The following MSRA variants were observed in gnomAD, a reference collection of about 807,000 sequenced individuals.
The protein encoded by MSRA is mitochondrial peptide methionine sulfoxide reductase.
Under a neutral mutation model 31.3 loss-of-function variants are expected in MSRA, and 54 were observed. The observed-to-expected ratio is 1.73, with a 90% CI of 1.39 to 2.17. MSRA has a LOEUF of 2.17. Among genes scored for constraint, MSRA ranks in the 30% most tolerant of loss-of-function variants. The probability of loss-of-function intolerance (pLI) is 0.00; values close to 1 mark genes in which losing one functional copy is unlikely to be tolerated. For missense variants in MSRA, 507 were observed against 300.9 expected, an observed-to-expected ratio of 1.69 and a Z score of -5.07; for synonymous variants, 169 against 116.5, an observed-to-expected ratio of 1.45 and a Z score of -2.90.
chr8:10,122,213 G>A (rs1329736720), intron 1 of MSRA, among the ~76,000 whole-genome samples: 4 of 152,164 alleles, frequency 2.6e-5, no homozygotes, highest in Admixed American at 6.5e-5. Context: ...TCTAGCATGT[G>A]AAGCATCCTA....
intron 1 of MSRA, among the ~76,000 whole-genome samples, chr8:10,205,357 G>T (rs1479777115): frequency 1.3e-5 from 2 of 152,134 alleles, no homozygotes; most frequent in Non-Finnish European, 2.9e-5. Flanking sequence ...TGGCTGTGGT[G>T]GCAGATTGGA....
intron 1 of MSRA, among the ~76,000 whole-genome samples, chr8:10,093,792 T>C (rs1220456635): frequency 2.0e-5 from 3 of 152,240 alleles, no homozygotes; most frequent in Non-Finnish European, 4.4e-5. Flanking sequence ...CTTTATTTCT[T>C]GTAGAGCAGG....
chr8:10,354,508 C>G (rs566952144), intron 5 of MSRA, among the ~76,000 whole-genome samples: 1 of 152,136 alleles, frequency 6.6e-6, no homozygotes, highest in African/African-American at 2.4e-5. Flanking sequence ...AGTACCTTTG[C>G]TAATCATATT....
intron 2 of MSRA, among the ~76,000 whole-genome samples, chr8:10,241,395 A>C (rs757412521): frequency 1.3e-5 from 2 of 152,168 alleles, no homozygotes; most frequent in Non-Finnish European, 1.5e-5. Context: ...ACATGAGAGC[A>C]GTCATTGAAA....
chr8:10,311,394 T>C (rs1281762839), intron 4 of MSRA, among the ~76,000 whole-genome samples: 1 of 152,124 alleles, frequency 6.6e-6, no homozygotes, highest in African/African-American at 2.4e-5. Flanking sequence ...TTTGAGAGCC[T>C]TATTAAGGAC....
At chr8:10,392,101 C>T (rs992592096) in intron 5 of MSRA, among the ~76,000 whole-genome samples, 1 of 152,180 alleles carries the variant, frequency 6.6e-6, no homozygotes, top group African/African-American at 2.4e-5. Context: ...GTGGAAGGCT[C>T]ATCTCTGACA....
intron 3 of MSRA, among the ~76,000 whole-genome samples, chr8:10,257,891 A>C (rs1798266717): frequency 6.6e-6 from 1 of 152,214 alleles, no homozygotes; most frequent in Non-Finnish European, 1.5e-5. Flanking sequence ...CGCAGCAGAG[A>C]GGTGAACACC....
At chr8:10,099,152 A>T (rs889544153) in intron 1 of MSRA, among the ~76,000 whole-genome samples, 2 of 152,188 alleles carry the variant, frequency 1.3e-5, no homozygotes, top group Non-Finnish European at 2.9e-5. Context: ...GCCTAAGTTT[A>T]TTCCATGCAG....
chr8:10,364,915 TC>T (rs1164272894), intron 5 of MSRA, among the ~76,000 whole-genome samples: 4 of 152,146 alleles, frequency 2.6e-5, no homozygotes, highest in African/African-American at 7.2e-5. Context: ...AAAATATCAT[TC>T]ATTAATTGAT....
intron 1 of MSRA, among the ~76,000 whole-genome samples, chr8:10,103,940 C>T (rs532312708): frequency 3.5e-4 from 53 of 152,170 alleles, no homozygotes; most frequent in African/African-American, 1.1e-3. Context: ...TCTGGAATTA[C>T]AGCGTATACA....
Position 10,393,843 on chromosome 8 carries a change from T to C in MSRA, c.544-34305T>C, listed in dbSNP as rs1302479740. Among the ~76,000 whole-genome samples the C allele has an allele frequency of 2.6e-5, 4 of 152,214 alleles. No homozygotes were observed. In the East Asian group the frequency reaches 7.7e-4, roughly 29 times the overall value. ...CCCCTGTGCACCACGTGTGCACACC[T>C]ACATGGTCACTATTCAGGCTTTGTG... On this transcript the variant is annotated intron_variant, in intron 5 of 5. Coordinates refer to ENST00000317173, the MANE Select transcript of MSRA (RefSeq NM_012331.5).
chr8:10,077,479 CTTTTTTT>C (rs10714477), intron 1 of MSRA, among the ~76,000 whole-genome samples: 8 of 101,238 alleles, frequency 7.9e-5, no homozygotes, highest in African/African-American at 2.9e-4. Context: ...CTACCTTCTC[CTTTTTTT>C]TTTTTTTTTT....
intron 1 of MSRA, among the ~76,000 whole-genome samples, chr8:10,174,567 C>T (rs1190761683): frequency 3.9e-5 from 6 of 152,094 alleles, no homozygotes; most frequent in African/African-American, 7.2e-5. Flanking sequence ...TGCAGTCCTA[C>T]GTTCTTCGCA....
chr8:10,419,202 C>T (rs1466987764), intron 5 of MSRA, among the ~76,000 whole-genome samples: 1 of 152,168 alleles, frequency 6.6e-6, no homozygotes, highest in Non-Finnish European at 1.5e-5. Context: ...ATCCCTTGCA[C>T]CTCTCACGTG....
chr8:10,196,618 C>G (rs1013597120), intron 1 of MSRA, among the ~76,000 whole-genome samples: 2 of 152,096 alleles, frequency 1.3e-5, no homozygotes, highest in African/African-American at 2.4e-5. Context: ...GGTGCAATCT[C>G]GACTCATCGC....
rs568971546 is a variant in MSRA, at chr8:10,116,364, C to T, written c.142+61706C>T. The stretch of plus-strand genomic sequence containing the variant: ...GAGAAGCCCAAAGATTGGACACCCC[C>T]TGGACTATAGTATTAATGCATCACA... On this transcript the variant is annotated intron_variant, in intron 1 of 5. Coordinates refer to ENST00000317173, the MANE Select transcript of MSRA (RefSeq NM_012331.5). 6.6e-4 allele frequency among the ~76,000 whole-genome samples: 101 copies of T among 152,340 alleles called. 1 individual carries two copies. The South Asian group carries it at 0.02, about 30-fold the overall frequency.
chr8:10,428,601 C>A lies in MSRA; in HGVS notation c.*289C>A. On this transcript the variant is annotated 3_prime_UTR_variant, in exon 6 of 6. Transcript: ENST00000317173. ...CTGTGTTCACCCTTCTTGGTAGAAG[C>A]TAAGGTGTGAGCTGGGAGGTTGCTG... The A allele has an allele frequency of 2.7e-6, 1 of 371,608 alleles. No individual in the cohort carries two copies. Among genetic ancestry groups the A allele is most frequent in the Non-Finnish European group, 4.9e-6 (1 of 204,502 alleles). 23.0% of individuals were successfully genotyped at this position (371,608 alleles called of 1,614,324 possible). A position where few individuals can be genotyped will look rare whatever the true frequency, so the allele number is the denominator to read the frequency against.
At chr8:10,121,816 GCA>G (rs1036781505) in intron 1 of MSRA, among the ~76,000 whole-genome samples, 29 of 150,626 alleles carry the variant, frequency 1.9e-4, no homozygotes, top group African/African-American at 6.8e-4. Flanking sequence ...AACTACAGGT[GCA>G]CACCACCATA....
chr8:10,338,880 G>A (rs1803230676), intron 5 of MSRA, among the ~76,000 whole-genome samples: 1 of 152,168 alleles, frequency 6.6e-6, no homozygotes, highest in Non-Finnish European at 1.5e-5. Flanking sequence ...AGGCTCTAGG[G>A]AGCTGATGTG....
Sources: gnomAD v4.1 joint callset for allele counts (sites outside exome capture counted in the v4.1 genomes callset) on GRCh38, gnomAD v4.1.1 for gene constraint, MANE v1.5 for transcripts, NCBI Gene and HGNC (gene_info 2026-07-23, HGNC 2026-07-21) for gene names.